The following PCDHGA9 variants were observed in gnomAD, a reference collection of about 807,000 sequenced individuals.
PCDHGA9 encodes protocadherin gamma subfamily A, 9, also known as protocadherin gamma-A9.
A neutral mutation model predicts 62.5 loss-of-function variants in PCDHGA9; 37 were observed. The ratio of observed to expected loss-of-function variants is 0.59; its 90% CI spans 0.46 to 0.78. The LOEUF is 0.78. Ranked by LOEUF, PCDHGA9 falls within the 30% of genes least tolerant of loss-of-function variation. The probability of loss-of-function intolerance (pLI) is 0.00; values close to 1 mark genes in which losing one functional copy is unlikely to be tolerated. For missense variants in PCDHGA9, 1,138 were observed against 1,166.2 expected, an observed-to-expected ratio of 0.98 and a Z score of 0.35; for synonymous variants, 459 against 484.6, an observed-to-expected ratio of 0.95 and a Z score of 0.69.
In PCDHGA9 at chr5:141,433,032, C is replaced by T. The variant is rs751061646; in HGVS notation, c.2424+27656C>T. The T allele has an allele frequency of 2.5e-6, 4 of 1,614,188 alleles. No homozygotes were observed. Among genetic ancestry groups the T allele is most frequent in the African/African-American group, 2.7e-5 (2 of 75,058 alleles). On this transcript the variant is annotated intron_variant, in intron 1 of 3. Transcript: ENST00000573521. ...CTGCAGACCTATTCCCACGAGGTTTCCCTCACCACGGACTCGCGGAAGAGT... is the reference window on the plus strand; with the variant it reads ...CTGCAGACCTATTCCCACGAGGTTTTCCTCACCACGGACTCGCGGAAGAGT...
rs1193620622 is a variant in PCDHGA9, at chr5:141,512,906, G to A, written c.*1733G>A. On this transcript the variant is annotated 3_prime_UTR_variant, in exon 4 of 4. Coordinates refer to ENST00000573521, the MANE Select transcript of PCDHGA9 (RefSeq NM_018921.3). ...CACCCTCTTCCTGTGTCTCACGCAA[G>A]TTTTATACTCTAATATTTATATGGC... 2.0e-5 allele frequency: 3 copies of A among 152,206 alleles called. No homozygotes were observed. Among genetic ancestry groups the A allele is most frequent in the African/African-American group, 7.2e-5 (3 of 41,438 alleles). The allele number at this position is 152,206 out of a possible 1,614,324, so 9.4% of individuals were successfully genotyped here.
chr5:141,411,028 T>C (rs2095458130), intron 1 of PCDHGA9: 1 of 163,058 alleles, frequency 6.1e-6, no homozygotes, highest in Admixed American at 6.2e-5. Flanking sequence ...TTTTTTGTAT[T>C]TTTAGTAGAC....
intron 1 of PCDHGA9, among the ~76,000 whole-genome samples, chr5:141,479,050 C>T (rs1484021560): frequency 6.6e-6 from 1 of 152,164 alleles, no homozygotes; most frequent in African/African-American, 2.4e-5. Context: ...ACCTCATTCT[C>T]AGATAATTTT....
intron 1 of PCDHGA9, chr5:141,478,893 T>G (rs1469313900): frequency 1.8e-6 from 2 of 1,102,894 alleles, no homozygotes; most frequent in Admixed American, 3.1e-5. Flanking sequence ...TCATTTACAT[T>G]AGGAATAAGC....
At position 141,489,871 on chromosome 5, in the gene PCDHGA9, G is replaced by C; in HGVS notation, c.2425-4936G>C. ...TGAAGCCCAGGCAAGACATCAGCTGGTGCTTACTGCTGTGGATGGGGGGAC... is the reference window on the plus strand; with the variant it reads ...TGAAGCCCAGGCAAGACATCAGCTGCTGCTTACTGCTGTGGATGGGGGGAC... On this transcript the variant is annotated intron_variant, in intron 1 of 3. Coordinates refer to ENST00000573521, the MANE Select transcript of PCDHGA9 (RefSeq NM_018921.3). The surrounding 1 kb of genome is among the most constrained non-coding windows in gnomAD (Gnocchi z 4.5). 1 of 1,614,206 alleles carries C rather than the reference G, an allele frequency of 6.2e-7. No individual in the cohort carries two copies.
In PCDHGA9 at chr5:141,476,656, T is replaced by A. The variant is rs190269177; in HGVS notation, c.2425-18151T>A. 6.2e-7 allele frequency: 1 copy of A among 1,614,210 alleles called. No individual in the cohort carries two copies. The highest frequency in any genetic ancestry group is 1.3e-5 in the African/African-American group (1 of 75,064). ...ATGAGCTGAGCCGAAATGAATACTTTGCGCTTCGCGTGCAGACGCGGGAGG... is the reference window on the plus strand; with the variant it reads ...ATGAGCTGAGCCGAAATGAATACTTAGCGCTTCGCGTGCAGACGCGGGAGG... On this transcript the variant is annotated intron_variant, in intron 1 of 3. Coordinates refer to ENST00000573521, the MANE Select transcript of PCDHGA9 (RefSeq NM_018921.3). This position sits in a 1 kb window ranked among gnomAD's most constrained non-coding sequence, Gnocchi z 7.6.
chr5:141,447,979 G>A (rs888759756), intron 1 of PCDHGA9, among the ~76,000 whole-genome samples: 15 of 151,814 alleles, frequency 9.9e-5, no homozygotes, highest in Admixed American at 5.9e-4. Context: ...CCAGCTACTC[G>A]GGAGGCTGAG....
chr5:141,482,160 T>G (rs577572891), intron 1 of PCDHGA9, among the ~76,000 whole-genome samples: 1 of 151,854 alleles, frequency 6.6e-6, no homozygotes, highest in Admixed American at 6.6e-5. Context: ...GTCAAAGATA[T>G]GTAAGATTAA....
chr5:141,405,222 T>A lies in PCDHGA9; in HGVS notation c.2270T>A (p.Phe757Tyr). 5 of 1,613,886 alleles carry A rather than the reference T, an allele frequency of 3.1e-6. No homozygotes were observed. The highest frequency in any genetic ancestry group is 4.2e-6 in the Non-Finnish European group (5 of 1,179,992). ...RAFLQTYSQE[F>Y]SLTADSRKSH... is the part of the protein sequence containing the mutation. ...TTCCTACAGACCTATTCTCAGGAGT[T>A]CTCCCTCACCGCTGACTCAAGGAAG... The change falls in exon 1 of 4, where the codon TTC becomes TAC. Residue 757 changes from phenylalanine to tyrosine, a missense_variant. Coordinates refer to ENST00000573521, the MANE Select transcript of PCDHGA9 (RefSeq NM_018921.3).
intron 1 of PCDHGA9, among the ~76,000 whole-genome samples, chr5:141,453,176 C>A (rs1225418058): frequency 6.6e-6 from 1 of 152,042 alleles, no homozygotes; most frequent in African/African-American, 2.4e-5. Flanking sequence ...TCCAGTGGTA[C>A]AATCACAGCT....
rs1228384684 is a variant in PCDHGA9 at position 141,432,189 on chromosome 5, A to G, written c.2424+26813A>G. On this transcript the variant is annotated intron_variant, in intron 1 of 3. Coordinates refer to ENST00000573521, the MANE Select transcript of PCDHGA9 (RefSeq NM_018921.3). This position sits in a 1 kb window ranked among gnomAD's most constrained non-coding sequence, Gnocchi z 6.0. The stretch of plus-strand genomic sequence containing the variant: ...GTTTCCCTCGTCTCTGTGACCGCCC[A>G]CGACCCCGACTGTGAAGAGAACGCC... 6.2e-6 allele frequency: 10 copies of G among 1,613,964 alleles called. No homozygotes were observed. Among genetic ancestry groups the G allele is most frequent in the African/African-American group, 1.3e-5 (1 of 74,878 alleles).
At chr5:141,478,234 G>C (rs762337749) in intron 1 of PCDHGA9, 21 of 1,614,082 alleles carry the variant, frequency 1.3e-5, no homozygotes, top group Non-Finnish European at 1.8e-5. Flanking sequence ...TGGGGTTTGT[G>C]GTCACAGTGT....
At chr5:141,423,090 G>T in intron 1 of PCDHGA9, 5 of 1,614,022 alleles carry the variant, frequency 3.1e-6, no homozygotes, top group South Asian at 2.2e-5. Context: ...TCGCGGTGGG[G>T]GAGCACACGG....
At position 141,436,830 on chromosome 5, in the gene PCDHGA9, T is replaced by C. The variant is rs1054296892; in HGVS notation, c.2424+31454T>C. On this transcript the variant is annotated intron_variant, in intron 1 of 3. Coordinates refer to ENST00000573521, the MANE Select transcript of PCDHGA9 (RefSeq NM_018921.3). ...TGACAGCTGGTTTAAAAATCTTAAGTGCCTAGGCACATTCTTGATTGAGAA... is the reference window on the plus strand; with the variant it reads ...TGACAGCTGGTTTAAAAATCTTAAGCGCCTAGGCACATTCTTGATTGAGAA... Among the ~76,000 whole-genome samples, 37 of 152,252 alleles carry C rather than the reference T, an allele frequency of 2.4e-4. 1 individual carries two copies.
At chr5:141,413,812 C>T in intron 1 of PCDHGA9, 2 of 1,613,144 alleles carry the variant, frequency 1.2e-6, no homozygotes, top group Non-Finnish European at 1.7e-6. Flanking sequence ...GGCCATTCAC[C>T]ACCTGGTCCT....
rs747671382 is a variant in PCDHGA9 at position 141,444,152 on chromosome 5, ATTTTTTTTTTTTTTTTTTTT to A, written c.2424+38793_2424+38812del. ...GATATGTGTCACTTGTGTGTACTGG[ATTTTTTTTTTTTTTTTTTTT>A]TTTTTTTTTTTTTTTTGAGATGGAG... On this transcript the variant is annotated intron_variant, in intron 1 of 3. Transcript: ENST00000573521. 2.4e-4 allele frequency among the ~76,000 whole-genome samples: 8 copies of A among 33,898 alleles called. No homozygotes were observed. In the East Asian group the frequency reaches 3.0e-3, roughly 13 times the overall value. 22.2% of individuals were successfully genotyped at this position (33,898 alleles called of 152,430 possible). A position where few individuals can be genotyped will look rare whatever the true frequency, so the allele number is the denominator to read the frequency against.
chr5:141,420,022 TA>T (rs2096459209), intron 1 of PCDHGA9: 1 of 1,613,986 alleles, frequency 6.2e-7, no homozygotes. Flanking sequence ...CTTTCAGCCC[TA>T]CTGCAGGAGA....
At position 141,487,507 on chromosome 5, in the gene PCDHGA9, A is replaced by C; in HGVS notation, c.2425-7300A>C. 6.2e-7 allele frequency: 1 copy of C among 1,614,138 alleles called. No individual in the cohort carries two copies. Among genetic ancestry groups the C allele is most frequent in the Non-Finnish European group, 8.5e-7 (1 of 1,180,028 alleles). On this transcript the variant is annotated intron_variant, in intron 1 of 3. Coordinates refer to ENST00000573521, the MANE Select transcript of PCDHGA9 (RefSeq NM_018921.3). This position sits in a 1 kb window ranked among gnomAD's most constrained non-coding sequence, Gnocchi z 5.0. ...ATGGCTGTACACCCTTGGCTTCTGC[A>C]CCCACTCGGAGTGATAGCTTCATGA...
chr5:141,434,650 C>A (rs931043426), intron 1 of PCDHGA9, among the ~76,000 whole-genome samples: 6 of 152,092 alleles, frequency 3.9e-5, no homozygotes, highest in Non-Finnish European at 5.9e-5. Context: ...TTTAGTTAAT[C>A]TAATATCTAT....
Sources: gnomAD v4.1 joint callset for allele counts (sites outside exome capture counted in the v4.1 genomes callset) on GRCh38, gnomAD v4.1.1 for gene constraint, Gnocchi (gnomAD v3.1) non-coding constraint, MANE v1.5 for transcripts, NCBI Gene and HGNC (gene_info 2026-07-23, HGNC 2026-07-21) for gene names.